KCNMB2: variants seen among roughly 807,000 people sequenced by gnomAD.
KCNMB2 encodes calcium-activated potassium channel subunit beta-2.
In KCNMB2, 9 loss-of-function variants were observed where a neutral mutation model predicts 24.5. That is an observed-to-expected ratio of 0.37 (90% CI 0.22 to 0.64). The LOEUF is 0.64. Among genes scored for constraint, KCNMB2 ranks in the 30% least tolerant of loss-of-function variants. The pLI, the probability that KCNMB2 is intolerant of heterozygous loss-of-function variation, is 0.63. For synonymous variants in KCNMB2, 109 were observed against 104.4 expected, an observed-to-expected ratio of 1.04 and a Z score of -0.27; for missense variants, 226 against 284.3, an observed-to-expected ratio of 0.79 and a Z score of 1.47.
chr3:178,750,447 C>A (rs1016389036), intron 1 of KCNMB2, among the ~76,000 whole-genome samples: 2 of 152,168 alleles, frequency 1.3e-5, no homozygotes, highest in African/African-American at 4.8e-5. Context: ...TTTAAACAGT[C>A]TTCATTGATA....
chr3:178,843,136 G>A lies in KCNMB2; in HGVS notation c.*199G>A. On this transcript the variant is annotated 3_prime_UTR_variant, in exon 5 of 5. Coordinates refer to ENST00000452583, the MANE Select transcript of KCNMB2 (RefSeq NM_181361.3). The stretch of plus-strand genomic sequence containing the variant: ...ATTCAGGAGAATAAATAACTGTTTT[G>A]TGTTGGTTGGTGGTTTTCATAATCT... 2 of 656,430 alleles carry A rather than the reference G, an allele frequency of 3.0e-6. No individual in the cohort carries two copies. The highest frequency in any genetic ancestry group is 1.8e-5 in the African/African-American group (1 of 56,090). 40.7% of individuals were successfully genotyped at this position (656,430 alleles called of 1,614,324 possible). A position where few individuals can be genotyped will look rare whatever the true frequency, so the allele number is the denominator to read the frequency against.
chr3:178,832,057 G>T (rs1229161852), intron 4 of KCNMB2, among the ~76,000 whole-genome samples: 1 of 151,844 alleles, frequency 6.6e-6, no homozygotes, highest in Non-Finnish European at 1.5e-5. Flanking sequence ...TAATTTACAT[G>T]GATCCACATT....
intron 1 of KCNMB2, among the ~76,000 whole-genome samples, chr3:178,755,134 C>A (rs764968090): frequency 7.2e-5 from 11 of 152,184 alleles, no homozygotes; most frequent in Non-Finnish European, 1.2e-4. Flanking sequence ...GTTTCCACGG[C>A]AGGCAGTGTC....
chr3:178,745,053 A>G (rs1287345712), intron 1 of KCNMB2, among the ~76,000 whole-genome samples: 1 of 152,236 alleles, frequency 6.6e-6, no homozygotes, highest in Non-Finnish European at 1.5e-5. Context: ...ATATTAATAA[A>G]ATAATCCTCA....
intron 2 of KCNMB2, among the ~76,000 whole-genome samples, chr3:178,824,897 A>T (rs1187284308): frequency 6.6e-6 from 1 of 152,200 alleles, no homozygotes; most frequent in African/African-American, 2.4e-5. Flanking sequence ...CTGCTCTAAA[A>T]TAAAAAACAA....
chr3:178,716,180 C>T (rs1441406644), intron 1 of KCNMB2, among the ~76,000 whole-genome samples: 2 of 152,220 alleles, frequency 1.3e-5, no homozygotes, highest in East Asian at 3.8e-4. Context: ...GCTTCTCTTC[C>T]ATATTTGATA....
At position 178,757,727 on chromosome 3, in the gene KCNMB2, T is replaced by TCC. The variant is rs1305407202; in HGVS notation, c.-67-49616_-67-49615insCC. On this transcript the variant is annotated intron_variant, in intron 1 of 4. Coordinates refer to ENST00000452583, the MANE Select transcript of KCNMB2 (RefSeq NM_181361.3). Reference sequence around the variant, plus strand: ...CCAAGAGGATATATATATGTATATATATCCAAGAGGATATATATATATAAG... The same window carrying TCC: ...CCAAGAGGATATATATATGTATATATCCATCCAAGAGGATATATATATATAAG... Among the ~76,000 whole-genome samples the TCC allele has an allele frequency of 4.2e-4, 31 of 74,104 alleles. 4 individuals are homozygous for TCC. The highest frequency in any genetic ancestry group is 1.1e-3 in the East Asian group (3 of 2,622). The allele number at this position is 74,104 out of a possible 152,430, so 48.6% of individuals were successfully genotyped here. A position where few individuals can be genotyped will look rare whatever the true frequency, so the allele number is the denominator to read the frequency against.
At chr3:178,596,709 C>T (rs986787606) in intron 1 of KCNMB2, among the ~76,000 whole-genome samples, 2 of 152,064 alleles carry the variant, frequency 1.3e-5, no homozygotes, top group African/African-American at 4.8e-5. Flanking sequence ...GCCCCCAACC[C>T]AGGAATTGCC....
chr3:178,771,700 CT>C (rs1712374549), intron 1 of KCNMB2, among the ~76,000 whole-genome samples: 1 of 151,962 alleles, frequency 6.6e-6, no homozygotes, highest in African/African-American at 2.4e-5. Flanking sequence ...CACTTTGCTT[CT>C]TTGCTGTTCT....
intron 1 of KCNMB2, among the ~76,000 whole-genome samples, chr3:178,587,679 C>T (rs1278846019): frequency 2.7e-5 from 4 of 149,250 alleles, no homozygotes; most frequent in African/African-American, 7.4e-5. Context: ...CTCATGATCT[C>T]AGGTGATCCG....
At chr3:178,841,393 T>C (rs1715422185) in intron 4 of KCNMB2, among the ~76,000 whole-genome samples, 1 of 152,218 alleles carries the variant, frequency 6.6e-6, no homozygotes, top group Non-Finnish European at 1.5e-5. Flanking sequence ...TGTTACCCAG[T>C]TCCAAAGTGG....
chr3:178,752,515 T>G (rs1008827723), intron 1 of KCNMB2, among the ~76,000 whole-genome samples: 4 of 152,304 alleles, frequency 2.6e-5, no homozygotes, highest in Non-Finnish European at 5.9e-5. Context: ...ATGGTCTATC[T>G]TGGAGGTAAA....
intron 1 of KCNMB2, among the ~76,000 whole-genome samples, chr3:178,617,238 T>G (rs1718737897): frequency 6.6e-6 from 1 of 152,138 alleles, no homozygotes; most frequent in African/African-American, 2.4e-5. Context: ...TCAAAAGAAA[T>G]GTTACCATCT....
chr3:178,768,213 A>G (rs1024170465), intron 1 of KCNMB2, among the ~76,000 whole-genome samples: 1 of 152,070 alleles, frequency 6.6e-6, no homozygotes, highest in African/African-American at 2.4e-5. Context: ...CTGTGGCAGC[A>G]TCTCCTTCTA....
rs1711512911 is a variant in KCNMB2 at position 178,758,831 on chromosome 3, T to TCTCTCC, written c.-67-48512_-67-48511insCTCTCC. ...TCCAAGAGGGATATATATATATATA[T>TCTCTCC]ATCTCCAAGAGGGATATATATATAT... On this transcript the variant is annotated intron_variant, in intron 1 of 4. Transcript: ENST00000452583. 1.9e-4 allele frequency among the ~76,000 whole-genome samples: 4 copies of TCTCTCC among 20,660 alleles called. 1 individual carries two copies. Among genetic ancestry groups the TCTCTCC allele is most frequent in the African/African-American group, 5.8e-4 (2 of 3,476 alleles). The allele number at this position is 20,660 out of a possible 152,430, so 13.6% of individuals were successfully genotyped here.
At chr3:178,841,006 T>C (rs914242728) in intron 4 of KCNMB2, among the ~76,000 whole-genome samples, 1 of 152,248 alleles carries the variant, frequency 6.6e-6, no homozygotes, top group African/African-American at 2.4e-5. Context: ...TAAGCTCCAA[T>C]TTCAAATCAT....
In KCNMB2 at chr3:178,657,355, C is replaced by A. The variant is rs572127447; in HGVS notation, c.-68+120644C>A. 9.8e-5 allele frequency among the ~76,000 whole-genome samples: 15 copies of A among 152,336 alleles called. No homozygotes were observed. The South Asian group carries it at 3.1e-3, about 32-fold the overall frequency. On this transcript the variant is annotated intron_variant, in intron 1 of 4. Transcript: ENST00000452583. ...TCACTCCAGCCTGGAGTTGAGAGCTCTTGCTCTCAGCATAAGGCTCAGCCT... is the reference window on the plus strand; with the variant it reads ...TCACTCCAGCCTGGAGTTGAGAGCTATTGCTCTCAGCATAAGGCTCAGCCT...
chr3:178,722,615 G>A lies in KCNMB2; in HGVS notation c.-67-84728G>A, dbSNP rs139952107. On this transcript the variant is annotated intron_variant, in intron 1 of 4. Coordinates refer to ENST00000452583, the MANE Select transcript of KCNMB2 (RefSeq NM_181361.3). Reference sequence around the variant, plus strand: ...ACCTCTAAATGGTCCCACCTTTGGCGGGGCACGGTGACATATGCCTGTAAT... The same window carrying A: ...ACCTCTAAATGGTCCCACCTTTGGCAGGGCACGGTGACATATGCCTGTAAT... Among the ~76,000 whole-genome samples the A allele has an allele frequency of 4.6e-3, 693 of 152,130 alleles. 5 individuals are homozygous for A. The highest frequency in any genetic ancestry group is 0.01 in the Middle Eastern group (3 of 292).
intron 1 of KCNMB2, among the ~76,000 whole-genome samples, chr3:178,697,884 A>G (rs2108336376): frequency 8.5e-6 from 1 of 117,606 alleles, no homozygotes; most frequent in African/African-American, 3.7e-5. Context: ...TGGATATGAA[A>G]TTCTGGGTTA....
Sources: gnomAD v4.1 joint callset for allele counts (sites outside exome capture counted in the v4.1 genomes callset) on GRCh38, gnomAD v4.1.1 for gene constraint, MANE v1.5 for transcripts, NCBI Gene and HGNC (gene_info 2026-07-23, HGNC 2026-07-21) for gene names.